MKKS: variants seen among roughly 807,000 people sequenced by gnomAD.
MKKS encodes molecular chaperone MKKS.
A neutral mutation model predicts 33.2 loss-of-function variants in MKKS; 29 were observed. The observed-to-expected ratio is 0.87, with a 90% CI of 0.65 to 1.19. The LOEUF is 1.19. MKKS is among the 50% of genes most tolerant of loss of function. The probability of loss-of-function intolerance (pLI) is 0.00; values close to 1 mark genes in which losing one functional copy is unlikely to be tolerated. For missense variants in MKKS, 661 were observed against 662.3 expected (o/e 1.00, Z 0.02); for synonymous variants, 260 against 244.0 (o/e 1.07, Z -0.61).
chr20:10,433,433 C>G (rs752627445), intron 1 of MKKS, among the ~76,000 whole-genome samples: 12 of 152,212 alleles, frequency 7.9e-5, no homozygotes, highest in Admixed American at 4.6e-4. Context: ...TTGGTCACTG[C>G]CGTATCTACT....
chr20:10,415,651 C>G (rs2064932740), intron 2 of MKKS, among the ~76,000 whole-genome samples: 1 of 152,216 alleles, frequency 6.6e-6, no homozygotes, highest in Non-Finnish European at 1.5e-5. Context: ...TGAAACCTCA[C>G]AAAGTGACTT....
intron 3 of MKKS, among the ~76,000 whole-genome samples, chr20:10,411,857 T>C (rs750915984): frequency 1.1e-3 from 160 of 152,350 alleles, no homozygotes; most frequent in Admixed American, 2.2e-3. Context: ...TACTTATATC[T>C]GCTTTTAATT....
intron 1 of MKKS, among the ~76,000 whole-genome samples, chr20:10,430,967 T>A (rs929512957): frequency 9.9e-5 from 15 of 152,124 alleles, no homozygotes; most frequent in African/African-American, 3.6e-4. Flanking sequence ...AAGTCTAACC[T>A]CCACCACAAA....
chr20:10,417,436 C>A (rs528590070), intron 2 of MKKS, among the ~76,000 whole-genome samples: 2 of 152,050 alleles, frequency 1.3e-5, no homozygotes, highest in Admixed American at 6.5e-5. Flanking sequence ...CACAGCAAGA[C>A]CCTGGTTCTA....
chr20:10,421,668 T>G (rs2064981498), intron 1 of MKKS, among the ~76,000 whole-genome samples: 1 of 152,112 alleles, frequency 6.6e-6, no homozygotes, highest in African/African-American at 2.4e-5. Context: ...TTTAGAGTGT[T>G]TGCCCTGAAT....
At chr20:10,418,688 C>G (rs1473873890) in intron 2 of MKKS, among the ~76,000 whole-genome samples, 2 of 152,082 alleles carry the variant, frequency 1.3e-5, no homozygotes, top group African/African-American at 4.8e-5. Flanking sequence ...AAGAGTATTT[C>G]TTTTTGCATG....
Position 10,401,481 on chromosome 20 carries a change from G to A in MKKS, c.*3766C>T, listed in dbSNP as rs1386033732. ...TAGACAGCTGAAACAGGGCCTTGTA[G>A]GAGATGTTTAGTCTCTTTGACTATT... On this transcript the variant is annotated 3_prime_UTR_variant, in exon 6 of 6. Transcript: ENST00000347364. 2.0e-5 allele frequency: 3 copies of A among 152,140 alleles called. No homozygotes were observed. The highest frequency in any genetic ancestry group is 6.5e-5 in the Admixed American group (1 of 15,276). The allele number at this position is 152,140 out of a possible 1,614,324, so 9.4% of individuals were successfully genotyped here.
chr20:10,420,133 T>C (rs964390478), intron 2 of MKKS, among the ~76,000 whole-genome samples: 5 of 152,168 alleles, frequency 3.3e-5, no homozygotes, highest in Admixed American at 1.3e-4. Flanking sequence ...CAAGCTAAAA[T>C]AGTTGATGTT....
In MKKS at chr20:10,413,335, G is replaced by A. The variant is rs2064909876; in HGVS notation, c.180C>T (p.Ser60=). 3.1e-6 allele frequency: 5 copies of A among 1,614,166 alleles called. No homozygotes were observed. The highest frequency in any genetic ancestry group is 3.3e-4 in the Middle Eastern group (2 of 6,062). The change falls in exon 3 of 6, where the codon TCC becomes TCT. Residue 60 remains serine, a synonymous_variant. Coordinates refer to ENST00000347364, the MANE Select transcript of MKKS (RefSeq NM_170784.3). ...CCAAAAGGTGACTGAGCAGAGCTGA[G>A]GACTGTGAGGTTGTACACACGTAAC... ...FGGYVCTTSQ[S]SALLSHLLVT...
In MKKS at chr20:10,413,226, T is replaced by C. The variant is rs1375853510; in HGVS notation, c.289A>G (p.Ile97Val). 2 of 1,614,084 alleles carry C rather than the reference T, an allele frequency of 1.2e-6. No individual in the cohort carries two copies. The highest frequency in any genetic ancestry group is 2.2e-5 in the East Asian group (1 of 44,898). ...TTTTCAATCAGGTTGCAGCAAAGAA[T>C]AGCTGTGAATAAGCCACAATCACTG... Reference protein sequence around the residue: ...SFSDCGLFTAILCCNLIENVQ... With the variant: ...SFSDCGLFTAVLCCNLIENVQ... Residue 97 changes from isoleucine (I) to valine (V), a missense_variant, in exon 3 of 6, where the codon ATT (isoleucine) becomes GTT (valine). By Grantham distance (29) the Ile-to-Val change is conservative (BLOSUM62 3). Transcript: ENST00000347364.
At position 10,407,621 on chromosome 20, in the gene MKKS, G is replaced by A. The variant is rs2122223791; in HGVS notation, c.1267C>T (p.His423Tyr). ...TETHLAAYIRHKTHNDPESIL... is the reference protein window; with the variant it reads ...TETHLAAYIRYKTHNDPESIL... ...AAGAGGATTATCTTACATACCTTGT[G>A]TCTGATATATGCAGCCAAATGAGTT... The change falls in exon 5 of 6, where the codon CAC becomes TAC. Residue 423 changes from histidine to tyrosine, a missense_variant. His to Tyr is a moderately conservative substitution (Grantham distance 83). Transcript: ENST00000347364. 1.2e-6 allele frequency: 2 copies of A among 1,613,106 alleles called. No homozygotes were observed. The highest frequency in any genetic ancestry group is 1.7e-6 in the Non-Finnish European group (2 of 1,179,108).
chr20:10,415,853 G>C (rs560506697), intron 2 of MKKS, among the ~76,000 whole-genome samples: 2 of 152,116 alleles, frequency 1.3e-5, no homozygotes, highest in Admixed American at 1.3e-4. Flanking sequence ...CTTTTGGCTA[G>C]TATTTCATTA....
At chr20:10,424,733 T>A (rs2065003894) in intron 1 of MKKS, among the ~76,000 whole-genome samples, 1 of 152,202 alleles carries the variant, frequency 6.6e-6, no homozygotes, top group East Asian at 1.9e-4. Context: ...TTTTTTCTTC[T>A]TAGTTCCTCT....
chr20:10,433,895 C>G (rs555716252), intron 1 of MKKS, among the ~76,000 whole-genome samples: 1 of 152,306 alleles, frequency 6.6e-6, no homozygotes, highest in African/African-American at 2.4e-5. Context: ...GCATCCGTGC[C>G]GACCGCAACA....
At chr20:10,416,661 G>A (rs1326512515) in intron 2 of MKKS, among the ~76,000 whole-genome samples, 1 of 152,092 alleles carries the variant, frequency 6.6e-6, no homozygotes, top group Admixed American at 6.6e-5. Context: ...TGCATTTTGG[G>A]GTAACTGAAT....
intron 1 of MKKS, among the ~76,000 whole-genome samples, chr20:10,427,546 T>G (rs1362393520): frequency 2.0e-5 from 3 of 152,256 alleles, no homozygotes; most frequent in Non-Finnish European, 4.4e-5. Context: ...ATTCTTCATT[T>G]CTGAATTCTC....
Position 10,405,161 on chromosome 20 carries a change from G to T in MKKS, c.*86C>A. On this transcript the variant is annotated 3_prime_UTR_variant, in exon 6 of 6. Coordinates refer to ENST00000347364, the MANE Select transcript of MKKS (RefSeq NM_170784.3). ...TCCAAATATGTAGAACAGGGCTTTG[G>T]GAGAAAACAAATACACTCACAATTT... is the stretch of plus-strand genomic sequence containing the variant. 3 of 1,095,206 alleles carry T rather than the reference G, an allele frequency of 2.7e-6. No individual in the cohort carries two copies. Among genetic ancestry groups the T allele is most frequent in the Non-Finnish European group, 3.9e-6 (3 of 768,094 alleles). The allele number at this position is 1,095,206 out of a possible 1,614,324, so 67.8% of individuals were successfully genotyped here.
intron 3 of MKKS, among the ~76,000 whole-genome samples, chr20:10,409,757 G>A (rs908609751): frequency 1.1e-4 from 17 of 151,940 alleles, no homozygotes; most frequent in African/African-American, 3.6e-4. Flanking sequence ...CATTGCCTAA[G>A]GTCAGGAGTT....
At chr20:10,414,451 G>C (rs1265273288) in intron 2 of MKKS, among the ~76,000 whole-genome samples, 4 of 152,018 alleles carry the variant, frequency 2.6e-5, no homozygotes, top group Non-Finnish European at 5.9e-5. Context: ...TTTTAGTAGA[G>C]ATGGGGTTTC....
Sources: allele counts gnomAD v4.1 joint callset (sites outside exome capture counted in the v4.1 genomes callset), GRCh38; gene constraint gnomAD v4.1.1; transcripts MANE v1.5; gene names NCBI Gene and HGNC (gene_info 2026-07-23, HGNC 2026-07-21).